EFCAB6: variants seen among roughly 807,000 people sequenced by gnomAD.
EFCAB6 encodes the protein EF-hand calcium binding domain 6.
Under a neutral mutation model 169.8 loss-of-function variants are expected in EFCAB6, and 156 were observed. The observed-to-expected ratio is 0.92, with a 90% confidence interval of 0.81 to 1.05. The LOEUF (loss-of-function observed/expected upper bound fraction) is 1.05. Among genes scored for constraint, EFCAB6 ranks in the 50% least tolerant of loss-of-function variants. The pLI is 0.00. For synonymous variants in EFCAB6, 698 were observed against 676.4 expected (o/e 1.03, Z -0.50); for missense variants, 1,800 against 1,829.1 (o/e 0.98, Z 0.29).
chr22:43,766,379 T>C (rs1319352966), intron 4 of EFCAB6, among the ~76,000 whole-genome samples: 4 of 152,136 alleles, frequency 2.6e-5, no homozygotes, highest in Non-Finnish European at 5.9e-5. Context: ...ATTGTTTGTG[T>C]ATGTTGTGTG....
At chr22:43,708,776 AG>A (rs35911272) in intron 10 of EFCAB6, among the ~76,000 whole-genome samples, 12,689 of 152,262 alleles carry the variant, frequency 0.083, 656 homozygotes, top group South Asian at 0.17. Context: ...ACAGCTGACC[AG>A]GAACATATGA....
rs541546797 is a variant in EFCAB6 at position 43,624,108 on chromosome 22, G to C, written c.2465+2339C>G. On this transcript the variant is annotated intron_variant, in intron 20 of 31. Coordinates refer to ENST00000262726, the MANE Select transcript of EFCAB6 (RefSeq NM_022785.4). ...ATGTCACTAACTGTTCTCTGAGCCC[G>C]CACTCCTTCATCTGTGAAACCAGCT... 2.0e-5 allele frequency among the ~76,000 whole-genome samples: 3 copies of C among 151,998 alleles called. No individual in the cohort carries two copies. In the South Asian group the frequency reaches 6.2e-4, roughly 32 times the overall value.
chr22:43,786,574 T>C (rs1365669002), intron 2 of EFCAB6, among the ~76,000 whole-genome samples: 2 of 151,586 alleles, frequency 1.3e-5, no homozygotes, highest in South Asian at 2.1e-4. Flanking sequence ...ACAAAAAAAT[T>C]AGCAGGGCAT....
chr22:43,783,120 A>G (rs1218787430), intron 2 of EFCAB6, among the ~76,000 whole-genome samples: 1 of 152,160 alleles, frequency 6.6e-6, no homozygotes, highest in Admixed American at 6.5e-5. Flanking sequence ...TCCTACTCCC[A>G]AGGCTGTCTT....
intron 6 of EFCAB6, among the ~76,000 whole-genome samples, chr22:43,751,710 T>C (rs1336224567): frequency 1.3e-5 from 2 of 152,194 alleles, no homozygotes; most frequent in Non-Finnish European, 2.9e-5. Context: ...TCCACCGACT[T>C]GTGCGGTGAT....
At chr22:43,651,756 A>G (rs766901845) in intron 17 of EFCAB6, among the ~76,000 whole-genome samples, 3 of 152,226 alleles carry the variant, frequency 2.0e-5, no homozygotes, top group Non-Finnish European at 4.4e-5. Flanking sequence ...CACCTCTTAC[A>G]TCAGTGTGAC....
chr22:43,697,195 C>A (rs2058606260), intron 10 of EFCAB6, among the ~76,000 whole-genome samples: 1 of 152,168 alleles, frequency 6.6e-6, no homozygotes, highest in Non-Finnish European at 1.5e-5. Flanking sequence ...TAAATTAACA[C>A]CTTTCTGAAG....
At chr22:43,787,447 T>G (rs955182961) in intron 2 of EFCAB6, among the ~76,000 whole-genome samples, 4 of 151,202 alleles carry the variant, frequency 2.6e-5, no homozygotes, top group African/African-American at 9.7e-5. Context: ...CAAAACTCAG[T>G]TATATCTCTA....
intron 25 of EFCAB6, among the ~76,000 whole-genome samples, chr22:43,577,584 A>C (rs1452670325): frequency 6.6e-6 from 1 of 152,166 alleles, no homozygotes; most frequent in African/African-American, 2.4e-5. Flanking sequence ...GATGGACTTA[A>C]CTCAGAGGGC....
chr22:43,667,165 T>C lies in EFCAB6; in HGVS notation c.1922A>G (p.Lys641Arg), dbSNP rs548089841. Residue 641 changes from lysine to arginine, a missense_variant, in exon 17 of 32, where the codon AAA (lysine) becomes AGA (arginine). Coordinates refer to ENST00000262726, the MANE Select transcript of EFCAB6 (RefSeq NM_022785.4). ...CTCCTTGCTGAAGTCAAGAAATCGT[T>C]TTTTGAATGCCGGGTCCTGCTGCTG... ...CIQQQDPAFKKRFLDFSKEPN... is the reference protein window; with the variant it reads ...CIQQQDPAFKRRFLDFSKEPN... 4 of 1,614,032 alleles carry C rather than the reference T, an allele frequency of 2.5e-6. No individual in the cohort carries two copies. The highest frequency in any genetic ancestry group is 8.5e-7 in the Non-Finnish European group (1 of 1,180,010).
At chr22:43,696,957 C>A (rs759572737) in intron 10 of EFCAB6, among the ~76,000 whole-genome samples, 1 of 152,012 alleles carries the variant, frequency 6.6e-6, no homozygotes, top group African/African-American at 2.4e-5. Flanking sequence ...AAAGCTAGGA[C>A]CAAAATTTTT....
At chr22:43,633,492 G>A (rs1436535734) in intron 18 of EFCAB6, among the ~76,000 whole-genome samples, 3 of 152,210 alleles carry the variant, frequency 2.0e-5, no homozygotes, top group African/African-American at 2.4e-5. Flanking sequence ...AGGTTGCAGT[G>A]AGCTGAGATC....
intron 5 of EFCAB6, among the ~76,000 whole-genome samples, chr22:43,760,452 T>A (rs188157627): frequency 3.9e-4 from 60 of 152,358 alleles, no homozygotes; most frequent in Admixed American, 3.8e-3. Flanking sequence ...TTCACTGCGA[T>A]AATGTCTAGA....
chr22:43,726,479 A>C (rs2059744183), intron 8 of EFCAB6, among the ~76,000 whole-genome samples: 1 of 152,206 alleles, frequency 6.6e-6, no homozygotes, highest in Non-Finnish European at 1.5e-5. Context: ...ATACAAACTG[A>C]AGCTGGCACT....
rs1398404883 is a variant in EFCAB6 at position 43,626,816 on chromosome 22, C to G, written c.2233-137G>C. Reference sequence around the variant, plus strand: ...GGGCCCCAACTATTGCTTTTAGAGACTTGGCTGTTCCAGGAATATCCTTGC... The same window carrying G: ...GGGCCCCAACTATTGCTTTTAGAGAGTTGGCTGTTCCAGGAATATCCTTGC... On this transcript the variant is annotated intron_variant, in intron 19 of 31. Coordinates refer to ENST00000262726, the MANE Select transcript of EFCAB6 (RefSeq NM_022785.4). 33 of 736,164 alleles carry G rather than the reference C, an allele frequency of 4.5e-5. No individual in the cohort carries two copies. In the Admixed American group the frequency reaches 9.3e-4, roughly 21 times the overall value. The allele number at this position is 736,164 out of a possible 1,614,324, so 45.6% of individuals were successfully genotyped here. A position where few individuals can be genotyped will look rare whatever the true frequency, so the allele number is the denominator to read the frequency against.
chr22:43,660,825 C>G lies in EFCAB6; in HGVS notation c.1983+6279G>C, dbSNP rs568801800. The stretch of plus-strand genomic sequence containing the variant: ...GGAGCTGTGGAAAGCTAAAAGCAAC[C>G]AGGGTGTCTGATGACATGCTGCACT... On this transcript the variant is annotated intron_variant, in intron 17 of 31. Coordinates refer to ENST00000262726, the MANE Select transcript of EFCAB6 (RefSeq NM_022785.4). Among the ~76,000 whole-genome samples, 83 of 152,232 alleles carry G rather than the reference C, an allele frequency of 5.5e-4. 1 individual carries two copies. The highest frequency in any genetic ancestry group is 9.4e-4 in the Non-Finnish European group (64 of 68,026).
chr22:43,589,523 C>T (rs189810323), intron 24 of EFCAB6, among the ~76,000 whole-genome samples: 46 of 152,286 alleles, frequency 3.0e-4, no homozygotes, highest in Non-Finnish European at 5.7e-4. Flanking sequence ...CGCAGTGGCT[C>T]ACGCCTATAA....
intron 7 of EFCAB6, among the ~76,000 whole-genome samples, 173 bp downstream of exon 7, chr22:43,735,684 G>A (rs1449313670): frequency 1.3e-5 from 2 of 152,190 alleles, no homozygotes; most frequent in African/African-American, 2.4e-5. Flanking sequence ...AATGCATGGG[G>A]AGCTTTAGGA....
intron 30 of EFCAB6, among the ~76,000 whole-genome samples, chr22:43,531,812 C>T (rs1338543917): frequency 6.6e-6 from 1 of 152,182 alleles, no homozygotes; most frequent in Non-Finnish European, 1.5e-5. Context: ...TCCCACACCA[C>T]ACATCACAGG....
Sources: allele counts gnomAD v4.1 joint callset (sites outside exome capture counted in the v4.1 genomes callset), GRCh38; gene constraint gnomAD v4.1.1; transcripts MANE v1.5; gene names NCBI Gene and HGNC (gene_info 2026-07-23, HGNC 2026-07-21).